Variants in ACBD6 observed in about 807,000 individuals in gnomAD.
ACBD6 encodes acyl-CoA-binding domain-containing protein 6.
A neutral mutation model predicts 37.2 loss-of-function variants in ACBD6; 28 were observed. The ratio of observed to expected loss-of-function variants is 0.75; its 90% CI spans 0.56 to 1.03. ACBD6 has a LOEUF of 1.03. Among genes scored for constraint, ACBD6 ranks in the 50% least tolerant of loss-of-function variants. The pLI is 0.00. For synonymous variants in ACBD6, 113 were observed against 126.8 expected (o/e 0.89, Z 0.73); for missense variants, 340 against 337.4 (o/e 1.01, Z -0.06).
At chr1:180,466,837 CAA>C (rs1389998590) in intron 3 of ACBD6, among the ~76,000 whole-genome samples, 3 of 152,138 alleles carry the variant, frequency 2.0e-5, no homozygotes, top group Admixed American at 6.5e-5. Context: ...GCACCTACCT[CAA>C]AGAGTTATTG....
At chr1:180,473,686 T>C (rs922581954) in intron 3 of ACBD6, among the ~76,000 whole-genome samples, 1 of 152,164 alleles carries the variant, frequency 6.6e-6, no homozygotes, top group Non-Finnish European at 1.5e-5. Context: ...TATATGTATA[T>C]ACAATTTTGC....
intron 6 of ACBD6, among the ~76,000 whole-genome samples, chr1:180,340,425 G>A (rs1285835328): frequency 6.6e-6 from 1 of 152,114 alleles, no homozygotes; most frequent in East Asian, 1.9e-4. Context: ...AGAACAGGAA[G>A]AATGGTGGAA....
chr1:180,502,131 A>G lies in ACBD6; in HGVS notation c.136T>C (p.Phe46Leu). The change falls in exon 1 of 8, where the codon TTT becomes CTT. Residue 46 changes from phenylalanine to leucine, a missense_variant. Coordinates refer to ENST00000367595, the MANE Select transcript of ACBD6 (RefSeq NM_032360.4). ...IEETSCLAEL[F>L]EKAAAHLQGL... ...TGCAGGTGCGCGGCAGCCTTCTCAA[A>G]CAGCTCGGCCAGGCAACTGGTCTCC... 6.2e-7 allele frequency: 1 copy of G among 1,613,980 alleles called. No individual in the cohort carries two copies. The highest frequency in any genetic ancestry group is 8.5e-7 in the Non-Finnish European group (1 of 1,179,974).
chr1:180,392,828 G>T (rs1022488571), intron 6 of ACBD6, among the ~76,000 whole-genome samples: 78 of 152,024 alleles, frequency 5.1e-4, no homozygotes, highest in African/African-American at 1.8e-3. Flanking sequence ...AGGGCGCAGG[G>T]CTAGTCTATA....
At chr1:180,450,755 C>CAA (rs899461121) in intron 3 of ACBD6, among the ~76,000 whole-genome samples, 1 of 151,108 alleles carries the variant, frequency 6.6e-6, no homozygotes, top group South Asian at 2.1e-4. Context: ...GAGACTCTGT[C>CAA]AAAAAAACAA....
chr1:180,353,575 TA>T (rs1279634773), intron 6 of ACBD6, among the ~76,000 whole-genome samples: 5 of 152,044 alleles, frequency 3.3e-5, no homozygotes, highest in African/African-American at 9.7e-5. Flanking sequence ...CAGACTAAGA[TA>T]TTTTAAAATT....
At chr1:180,348,247 A>G (rs4291460) in intron 6 of ACBD6, among the ~76,000 whole-genome samples, 5,104 of 152,318 alleles carry the variant, frequency 0.034, 245 homozygotes, top group African/African-American at 0.092. Flanking sequence ...GATGGCAATG[A>G]AAGTAGCAGC....
At chr1:180,321,956 TAC>T (rs1187080664) in intron 6 of ACBD6, among the ~76,000 whole-genome samples, 2 of 152,112 alleles carry the variant, frequency 1.3e-5, no homozygotes, top group African/African-American at 2.4e-5. Flanking sequence ...TTCCAGATCT[TAC>T]AGTTTTTCCC....
At chr1:180,301,948 C>T (rs978112006) in intron 7 of ACBD6, among the ~76,000 whole-genome samples, 11 of 151,810 alleles carry the variant, frequency 7.2e-5, no homozygotes, top group Admixed American at 7.2e-4. Context: ...TTTTTACAAT[C>T]GTTTACACTT....
intron 4 of ACBD6, among the ~76,000 whole-genome samples, chr1:180,414,964 T>C (rs964137697): frequency 3.9e-5 from 6 of 151,972 alleles, no homozygotes; most frequent in Non-Finnish European, 8.8e-5. Flanking sequence ...AAAAACACCA[T>C]GTTTCGGGAG....
chr1:180,339,189 C>G (rs1239137102), intron 6 of ACBD6, among the ~76,000 whole-genome samples: 1 of 152,178 alleles, frequency 6.6e-6, no homozygotes, highest in East Asian at 1.9e-4. Context: ...GGGTATATAC[C>G]CAAAGGAGTA....
At chr1:180,382,234 A>C (rs1653685215) in intron 6 of ACBD6, among the ~76,000 whole-genome samples, 1 of 151,978 alleles carries the variant, frequency 6.6e-6, no homozygotes, top group African/African-American at 2.4e-5. Context: ...CAAACAAAAA[A>C]CCCAAAACCA....
chr1:180,460,930 A>G (rs1186689554), intron 3 of ACBD6, among the ~76,000 whole-genome samples: 1 of 152,218 alleles, frequency 6.6e-6, no homozygotes, highest in African/African-American at 2.4e-5. Context: ...AGACCTCACC[A>G]CGTGGATAAA....
intron 6 of ACBD6, among the ~76,000 whole-genome samples, chr1:180,389,175 C>T (rs926434119): frequency 6.6e-6 from 1 of 152,110 alleles, no homozygotes; most frequent in African/African-American, 2.4e-5. Flanking sequence ...ACAACAGGCC[C>T]CAGAGTGTGA....
chr1:180,370,024 T>G (rs986577745), intron 6 of ACBD6, among the ~76,000 whole-genome samples: 1 of 152,254 alleles, frequency 6.6e-6, no homozygotes, highest in Non-Finnish European at 1.5e-5. Context: ...ATATTATTTC[T>G]ACTCTAAGTA....
chr1:180,422,350 C>T (rs999023575), intron 4 of ACBD6, among the ~76,000 whole-genome samples: 2 of 152,022 alleles, frequency 1.3e-5, no homozygotes, highest in East Asian at 1.9e-4. Flanking sequence ...GGATTACAAG[C>T]GCACACCACC....
exon 14 of ACBD6, chr1:180,271,633 G>C (rs1648666606): frequency 6.7e-7 from 1 of 1,487,290 alleles, no homozygotes; most frequent in Non-Finnish European, 9.3e-7. Flanking sequence ...GTTGGGCTCA[G>C]GGCTTGACCC....
chr1:180,344,917 A>C (rs1460460293), intron 6 of ACBD6, among the ~76,000 whole-genome samples: 2 of 152,234 alleles, frequency 1.3e-5, no homozygotes, highest in Non-Finnish European at 2.9e-5. Context: ...TATCACATAC[A>C]GCATGCTTGT....
intron 6 of ACBD6, among the ~76,000 whole-genome samples, chr1:180,376,547 T>C (rs185081187): frequency 6.6e-6 from 1 of 152,268 alleles, no homozygotes. Context: ...TAGGATACAC[T>C]GTTAGGTGAA....
Sources: gnomAD v4.1 joint callset for allele counts (sites outside exome capture counted in the v4.1 genomes callset) on GRCh38, gnomAD v4.1.1 for gene constraint, MANE v1.5 for transcripts, NCBI Gene and HGNC (gene_info 2026-07-23, HGNC 2026-07-21) for gene names.